COMMD10: variants seen among roughly 807,000 people sequenced by gnomAD.
COMMD10 encodes COMM domain-containing protein 10.
In COMMD10, 33 loss-of-function variants were observed where a neutral mutation model predicts 28.9. That is an observed-to-expected ratio of 1.14 (90% CI 0.87 to 1.53). The LOEUF is 1.53. COMMD10 is among the 40% of genes most tolerant of loss of function. The pLI, the probability that COMMD10 is intolerant of heterozygous loss-of-function variation, is 0.00. For synonymous variants in COMMD10, 110 were observed against 81.7 expected, an observed-to-expected ratio of 1.35 and a Z score of -1.87; for missense variants, 310 against 233.4, an observed-to-expected ratio of 1.33 and a Z score of -2.14.
intron 4 of COMMD10, among the ~76,000 whole-genome samples, chr5:116,126,173 A>G (rs968869378): frequency 1.3e-5 from 2 of 152,202 alleles, no homozygotes. Flanking sequence ...TCCCATTCAC[A>G]ATTGCTTCAA....
At chr5:116,129,388 T>G (rs577588452) in intron 4 of COMMD10, among the ~76,000 whole-genome samples, 2 of 144,480 alleles carry the variant, frequency 1.4e-5, no homozygotes, top group African/African-American at 5.0e-5. Flanking sequence ...TATATATTAG[T>G]ATATATACAC....
intron 1 of COMMD10, among the ~76,000 whole-genome samples, chr5:116,087,079 T>G (rs1171835991): frequency 6.6e-6 from 1 of 152,252 alleles, no homozygotes; most frequent in Non-Finnish European, 1.5e-5. Context: ...TACATAGTAT[T>G]TGAAAAGTTA....
chr5:116,178,622 C>G (rs1311376040), intron 5 of COMMD10, among the ~76,000 whole-genome samples: 3 of 152,056 alleles, frequency 2.0e-5, no homozygotes, highest in East Asian at 1.9e-4. Context: ...ATTCACTATT[C>G]TAATTCCTAA....
At position 116,270,055 on chromosome 5, in the gene COMMD10, T is replaced by A. The variant is rs577134043; in HGVS notation, c.511-21462T>A. Among the ~76,000 whole-genome samples, 44 of 143,004 alleles carry A rather than the reference T, an allele frequency of 3.1e-4. 1 individual carries two copies. The highest frequency in any genetic ancestry group is 9.6e-4 in the African/African-American group (37 of 38,622). 93.8% of individuals were successfully genotyped at this position (143,004 alleles called of 152,430 possible). On this transcript the variant is annotated intron_variant, in intron 5 of 6. Transcript: ENST00000274458. ...AGTAAATGGACAGCATTTAAAAAAA[T>A]ATTCTTGTTATCTTGACATAATGAA... is the stretch of plus-strand genomic sequence containing the variant.
chr5:116,168,835 T>C (rs899145691), intron 5 of COMMD10, among the ~76,000 whole-genome samples: 1 of 152,102 alleles, frequency 6.6e-6, no homozygotes, highest in African/African-American at 2.4e-5. Flanking sequence ...AAGCAGTGTG[T>C]AGAGGGAAAT....
chr5:116,146,544 A>G (rs2112544859), intron 5 of COMMD10, among the ~76,000 whole-genome samples: 1 of 152,060 alleles, frequency 6.6e-6, no homozygotes, highest in East Asian at 1.9e-4. Flanking sequence ...AGTAATTTGC[A>G]TTATTGGATA....
At chr5:116,194,857 A>T (rs191399636) in intron 5 of COMMD10, among the ~76,000 whole-genome samples, 1 of 152,244 alleles carries the variant, frequency 6.6e-6, no homozygotes, top group African/African-American at 2.4e-5. Flanking sequence ...AAAGGACATA[A>T]CCAAAAAAAG....
chr5:116,103,647 A>C (rs1750738225), intron 4 of COMMD10, among the ~76,000 whole-genome samples: 1 of 152,208 alleles, frequency 6.6e-6, no homozygotes, highest in Non-Finnish European at 1.5e-5. Flanking sequence ...TTTGCTGGGC[A>C]GAAGCCCTTC....
At chr5:116,256,176 G>T (rs1750278638) in intron 5 of COMMD10, among the ~76,000 whole-genome samples, 3 of 151,622 alleles carry the variant, frequency 2.0e-5, no homozygotes, top group Admixed American at 2.0e-4. Context: ...TATCTAAGAA[G>T]AAGAAAAGAA....
Position 116,152,774 on chromosome 5 carries a change from T to G in COMMD10, c.510+18596T>G, listed in dbSNP as rs958678372. ...TTTTCCTTTGGTTATTTTTGCCACT[T>G]TTTTACTGATTGTAATTATGTGTTG... On this transcript the variant is annotated intron_variant, in intron 5 of 6. Transcript: ENST00000274458. Among the ~76,000 whole-genome samples the G allele has an allele frequency of 1.5e-4, 23 of 152,242 alleles. 1 individual carries two copies. The highest frequency in any genetic ancestry group is 1.5e-3 in the Admixed American group (23 of 15,252).
intron 5 of COMMD10, among the ~76,000 whole-genome samples, chr5:116,152,124 C>A (rs983897957): frequency 3.9e-5 from 6 of 152,142 alleles, no homozygotes; most frequent in African/African-American, 1.2e-4. Flanking sequence ...ACCCAGTAGT[C>A]ATTCAGGAGC....
chr5:116,265,272 G>A lies in COMMD10; in HGVS notation c.511-26245G>A, dbSNP rs80213549. Among the ~76,000 whole-genome samples the A allele has an allele frequency of 4.7e-3, 706 of 151,678 alleles. 5 individuals carry two copies. Among genetic ancestry groups the A allele is most frequent in the Non-Finnish European group, 7.4e-3 (504 of 67,966 alleles). ...GACTTTTTTTTCACTATCCCCAAAA[G>A]TCAGGATTTTTCATTAAGTTCTGAT... On this transcript the variant is annotated intron_variant, in intron 5 of 6. Transcript: ENST00000274458.
At chr5:116,231,251 A>G (rs1749520520) in intron 5 of COMMD10, among the ~76,000 whole-genome samples, 1 of 152,144 alleles carries the variant, frequency 6.6e-6, no homozygotes, top group Non-Finnish European at 1.5e-5. Context: ...TTGTTAATAA[A>G]TTTACCGACT....
intron 4 of COMMD10, among the ~76,000 whole-genome samples, chr5:116,112,727 G>A (rs757912551): frequency 6.6e-6 from 1 of 152,150 alleles, no homozygotes; most frequent in African/African-American, 2.4e-5. Flanking sequence ...TTTAGCCAAC[G>A]TGTATTTTTT....
intron 5 of COMMD10, among the ~76,000 whole-genome samples, chr5:116,142,161 G>A (rs866370501): frequency 4.0e-5 from 6 of 151,816 alleles, no homozygotes; most frequent in African/African-American, 1.4e-4. Flanking sequence ...TATAGGACTT[G>A]TTTAATTTTA....
At chr5:116,108,091 TG>T (rs1382659610) in intron 4 of COMMD10, among the ~76,000 whole-genome samples, 1 of 152,194 alleles carries the variant, frequency 6.6e-6, no homozygotes, top group Non-Finnish European at 1.5e-5. Context: ...CCAGCTCTCC[TG>T]TATGAGGTGT....
intron 5 of COMMD10, among the ~76,000 whole-genome samples, chr5:116,213,950 C>T (rs905257270): frequency 2.0e-5 from 3 of 151,980 alleles, no homozygotes; most frequent in Non-Finnish European, 4.4e-5. Flanking sequence ...TTTAAAACAA[C>T]TTTGGCTTGA....
intron 5 of COMMD10, among the ~76,000 whole-genome samples, chr5:116,201,289 A>G (rs187897049): frequency 4.6e-5 from 7 of 152,170 alleles, no homozygotes; most frequent in Admixed American, 2.6e-4. Context: ...TGCTGGAAGC[A>G]TGAGTGGATT....
intron 5 of COMMD10, among the ~76,000 whole-genome samples, chr5:116,215,992 C>T (rs954869381): frequency 5.3e-5 from 8 of 151,956 alleles, no homozygotes; most frequent in African/African-American, 1.9e-4. Flanking sequence ...TCTAAAGTTG[C>T]CATTCGTGGG....
Sources: allele counts gnomAD v4.1 joint callset (sites outside exome capture counted in the v4.1 genomes callset), GRCh38; gene constraint gnomAD v4.1.1; transcripts MANE v1.5; gene names NCBI Gene and HGNC (gene_info 2026-07-23, HGNC 2026-07-21).